The following KBTBD2 variants were observed in gnomAD, a reference collection of about 807,000 sequenced individuals.
The protein encoded by KBTBD2 is kelch repeat and BTB domain-containing protein 2.
KBTBD2 carries 17 observed loss-of-function variants against 57.1 expected under a neutral mutation model. The observed-to-expected ratio is 0.30, with a 90% CI of 0.20 to 0.45. The LOEUF is 0.45. KBTBD2 is among the 20% of genes least tolerant of loss of function. The pLI is 1.00. For missense variants in KBTBD2, 515 were observed against 750.6 expected (o/e 0.69, Z 3.67); for synonymous variants, 267 against 262.7 (o/e 1.02, Z -0.16).
Position 32,885,686 on chromosome 7 carries a change from A to G in KBTBD2, c.-338-5744T>C, listed in dbSNP as rs375272304. On this transcript the variant is annotated intron_variant, in intron 1 of 3. Transcript: ENST00000304056. ...TCCATAGTAAAAAATGCTAACCAGC[A>G]TAAGAATTAAATTGGAGTCATGCAA... Among the ~76,000 whole-genome samples, 14 of 152,312 alleles carry G rather than the reference A, an allele frequency of 9.2e-5. No homozygotes were observed. The East Asian group carries it at 9.6e-4, about 10-fold the overall frequency.
chr7:32,875,524 A>G (rs1226137284), intron 2 of KBTBD2, among the ~76,000 whole-genome samples: 1 of 152,146 alleles, frequency 6.6e-6, no homozygotes, highest in Non-Finnish European at 1.5e-5. Flanking sequence ...TTCCTGCCTC[A>G]GCCTCTGAAA....
chr7:32,878,819 A>T (rs1784379274), intron 2 of KBTBD2, among the ~76,000 whole-genome samples: 1 of 152,212 alleles, frequency 6.6e-6, no homozygotes, highest in African/African-American at 2.4e-5. Flanking sequence ...GACGCAAAAG[A>T]TCATAAAAAT....
chr7:32,887,163 TAAAG>T (rs748250218), intron 1 of KBTBD2, among the ~76,000 whole-genome samples: 9 of 152,088 alleles, frequency 5.9e-5, no homozygotes, highest in African/African-American at 9.6e-5. Context: ...TTGAATGTGA[TAAAG>T]AAACCAATCA....
intron 2 of KBTBD2, 61 bp from the exon 3 acceptor site, chr7:32,875,218 GA>G: frequency 2.1e-6 from 3 of 1,419,266 alleles, no homozygotes; most frequent in Non-Finnish European, 2.9e-6. Context: ...ATGTAGAGCT[GA>G]AAAGAACAAT....
At chr7:32,875,264 T>G in intron 2 of KBTBD2, 107 bp from the exon 3 acceptor site, 1 of 1,042,566 alleles carries the variant, frequency 9.6e-7, no homozygotes, top group Non-Finnish European at 1.4e-6. Context: ...GGGTATTTAC[T>G]TATAAGAGAA....
intron 1 of KBTBD2, among the ~76,000 whole-genome samples, chr7:32,885,931 CAG>C (rs919202864): frequency 7.4e-6 from 1 of 134,444 alleles, no homozygotes; most frequent in Non-Finnish European, 1.6e-5. Context: ...TTTTTAAAGA[CAG>C]AGTCTCGCTC....
At chr7:32,871,648 C>T (rs914693921) in intron 3 of KBTBD2, among the ~76,000 whole-genome samples, 7 of 152,126 alleles carry the variant, frequency 4.6e-5, no homozygotes, top group South Asian at 4.1e-4. Context: ...CTTCACATCT[C>T]TAAACTTCAA....
intron 3 of KBTBD2, chr7:32,874,510 AG>A (rs1170205662): frequency 6.6e-6 from 1 of 152,298 alleles, no homozygotes; most frequent in Non-Finnish European, 1.5e-5. Flanking sequence ...CTGAAGCAGG[AG>A]GATCACCTGA....
In KBTBD2 at chr7:32,878,110, TA is replaced by T. The variant is rs75747214; in HGVS notation, c.170+1324del. Among the ~76,000 whole-genome samples, 896 of 134,288 alleles carry T rather than the reference TA, an allele frequency of 6.7e-3. 3 individuals carry two copies. Among genetic ancestry groups the T allele is most frequent in the Middle Eastern group, 0.011 (3 of 264 alleles). 88.1% of individuals were successfully genotyped at this position (134,288 alleles called of 152,430 possible). A position where few individuals can be genotyped will look rare whatever the true frequency, so the allele number is the denominator to read the frequency against. ...CTGGGTGACAGATTGCGACTGTCTTTAAAAAAAAAAAAAAAAAATTGTAGGC... is the reference window on the plus strand; with the variant it reads ...CTGGGTGACAGATTGCGACTGTCTTTAAAAAAAAAAAAAAAAATTGTAGGC... On this transcript the variant is annotated intron_variant, in intron 2 of 3. Transcript: ENST00000304056.
chr7:32,868,493 T>C lies in KBTBD2; in HGVS notation c.*852A>G, dbSNP rs1014473592. On this transcript the variant is annotated 3_prime_UTR_variant, in exon 4 of 4. Transcript: ENST00000304056. ...AATCACTCTACAGTAATGCTTGTTATTAAATTAAGATGTAATGACCTGGTT... is the reference window on the plus strand; with the variant it reads ...AATCACTCTACAGTAATGCTTGTTACTAAATTAAGATGTAATGACCTGGTT... 2 of 152,602 alleles carry C rather than the reference T, an allele frequency of 1.3e-5. No individual in the cohort carries two copies. Among genetic ancestry groups the C allele is most frequent in the African/African-American group, 4.8e-5 (2 of 41,436 alleles). The allele number at this position is 152,602 out of a possible 1,614,324, so 9.5% of individuals were successfully genotyped here.
At chr7:32,889,582 CAA>C (rs1562539640) in intron 1 of KBTBD2, among the ~76,000 whole-genome samples, 1 of 141,812 alleles carries the variant, frequency 7.1e-6, no homozygotes, top group Non-Finnish European at 1.5e-5. Context: ...GCCTGAGTGA[CAA>C]GAGACTCTGT....
chr7:32,877,516 G>C (rs1784342785), intron 2 of KBTBD2, among the ~76,000 whole-genome samples: 1 of 152,112 alleles, frequency 6.6e-6, no homozygotes, highest in Admixed American at 6.5e-5. Context: ...AAACTACAAA[G>C]GAAGAATGTA....
intron 2 of KBTBD2, among the ~76,000 whole-genome samples, chr7:32,876,408 A>G: frequency 6.6e-6 from 1 of 152,242 alleles, no homozygotes; most frequent in Admixed American, 6.5e-5. Context: ...AAAGATGGAG[A>G]GCAGTCAGAT....
intron 1 of KBTBD2, chr7:32,891,167 T>G (rs1468727118): frequency 1.3e-5 from 2 of 151,448 alleles, no homozygotes; most frequent in Admixed American, 6.6e-5. Context: ...GGAAACAGCT[T>G]TACTTCGGTA....
chr7:32,886,196 CA>C (rs1206892907), intron 1 of KBTBD2, among the ~76,000 whole-genome samples: 3 of 152,264 alleles, frequency 2.0e-5, no homozygotes, highest in Admixed American at 2.0e-4. Flanking sequence ...AGGCATGAGC[CA>C]CCACGTCCGG....
chr7:32,874,740 T>C (rs1784268001), intron 3 of KBTBD2: 2 of 337,186 alleles, frequency 5.9e-6, no homozygotes, highest in Admixed American at 4.3e-5. Flanking sequence ...ACGCGTGTAA[T>C]CCCAGCACTT....
chr7:32,874,055 G>A (rs961646677), intron 3 of KBTBD2, among the ~76,000 whole-genome samples: 1 of 151,860 alleles, frequency 6.6e-6, no homozygotes, highest in African/African-American at 2.4e-5. Flanking sequence ...TTGAGCCTGG[G>A]ATTTTGAGAC....
At chr7:32,872,645 A>G (rs576018180) in intron 3 of KBTBD2, among the ~76,000 whole-genome samples, 12 of 152,306 alleles carry the variant, frequency 7.9e-5, no homozygotes, top group South Asian at 2.1e-4. Flanking sequence ...ACTGTGCTGC[A>G]GCCTGGACAA....
upstream of KBTBD2, chr7:32,891,987 GC>G (rs1784770662): frequency 8.5e-6 from 1 of 117,590 alleles, no homozygotes; most frequent in African/African-American, 4.1e-5. Context: ...GCCCGCCCTC[GC>G]CACGCCGCCC....
Sources: allele counts gnomAD v4.1 joint callset (sites outside exome capture counted in the v4.1 genomes callset), GRCh38; gene constraint gnomAD v4.1.1; transcripts MANE v1.5; gene names NCBI Gene and HGNC (gene_info 2026-07-23, HGNC 2026-07-21).